DIDO1: variants seen among roughly 807,000 people sequenced by gnomAD.
DIDO1 encodes the protein death inducer-obliterator 1, also known as death-inducer obliterator 1.
In DIDO1, 16 loss-of-function variants were observed where a neutral mutation model predicts 99.4. That is an observed-to-expected ratio of 0.16 (90% CI 0.11 to 0.24). The LOEUF (loss-of-function observed/expected upper bound fraction) is 0.24. DIDO1 is among the 10% of genes least tolerant of loss of function. The pLI, the probability that DIDO1 is intolerant of heterozygous loss-of-function variation, is 1.00. For synonymous variants in DIDO1, 1,366 were observed against 1,239.1 expected (o/e 1.10, Z -2.15); for missense variants, 2,996 against 3,014.0 (o/e 0.99, Z 0.14).
intron 6 of DIDO1, among the ~76,000 whole-genome samples, chr20:62,901,842 T>C (rs2064690820): frequency 6.6e-6 from 1 of 151,204 alleles, no homozygotes; most frequent in African/African-American, 2.4e-5. Flanking sequence ...AAACCTAGTA[T>C]TATTTTACAA....
In DIDO1 at chr20:62,896,738, G is replaced by A. The variant is rs141286941; in HGVS notation, c.1847C>T (p.Pro616Leu). 1.3e-3 allele frequency: 2,157 copies of A among 1,613,558 alleles called. 14 individuals are homozygous for A. In the Middle Eastern group the frequency reaches 0.024, roughly 18 times the overall value. The change falls in exon 7 of 16, where the codon CCG becomes CTG. Residue 616 changes from proline (P) to leucine (L), a missense_variant. Physicochemically the swap from Pro to Leu is moderately conservative, Grantham distance 98. Transcript: ENST00000395343. This position sits in a 1 kb window ranked among gnomAD's most constrained non-coding sequence, Gnocchi z 4.4. The part of the protein sequence containing the change: ...SGASAARQAG[P>L]APAAATAASK... ...GGCAGCCGTTGCCGCTGCAGGTGCC[G>A]GTCCGGCCTGCCTGGCAGCTGAAGC...
Position 62,881,521 on chromosome 20 carries a change from G to A in DIDO1, c.4435C>T (p.Leu1479=), listed in dbSNP as rs913078839. The change falls in exon 16 of 16, where the codon CTA becomes TTA. Residue 1479 remains leucine (L), a synonymous_variant. Transcript: ENST00000395343. This position sits in a 1 kb window ranked among gnomAD's most constrained non-coding sequence, Gnocchi z 8.3. ...TPSLVEQQKM[L]EELNKQIEEQ... ...TCGATCTGTTTGTTCAGCTCTTCTA[G>A]CATCTTCTGTTGCTCCACCAGGGAG... 1 of 1,611,392 alleles carries A rather than the reference G, an allele frequency of 6.2e-7. No individual in the cohort carries two copies. Among genetic ancestry groups the A allele is most frequent in the Non-Finnish European group, 8.5e-7 (1 of 1,180,028 alleles).
At chr20:62,935,084 TCACCACCTTTCCCTCGTTGTTG>T (rs2065368351) in intron 1 of DIDO1, among the ~76,000 whole-genome samples, 1 of 152,196 alleles carries the variant, frequency 6.6e-6, no homozygotes, top group Non-Finnish European at 1.5e-5. Context: ...CACGGTGAAC[TCACCACCTTTCCCTCGTTGTTG>T]CACCTCCTTC....
At chr20:62,885,910 G>A (rs994379570) in intron 15 of DIDO1, among the ~76,000 whole-genome samples, 1 of 152,372 alleles carries the variant, frequency 6.6e-6, no homozygotes, top group East Asian at 1.9e-4. Context: ...AGACCAGTAA[G>A]GTCGAAAGGT....
rs1010075197 is a variant in DIDO1 at position 62,891,976 on chromosome 20, T to C, written c.3345+11A>G. On this transcript the variant is annotated intron_variant, in intron 14 of 15. Transcript: ENST00000395343. The stretch of plus-strand genomic sequence containing the variant: ...TTCCATGGTTGCAGAATTTATACTA[T>C]AAGCAGGTACCTTAGACACAGAAGA... 8 of 1,599,290 alleles carry C rather than the reference T, an allele frequency of 5.0e-6. No individual in the cohort carries two copies. The highest frequency in any genetic ancestry group is 3.6e-5 in the Admixed American group (2 of 55,480).
intron 15 of DIDO1, among the ~76,000 whole-genome samples, chr20:62,885,408 G>A (rs987015802): frequency 9.2e-5 from 14 of 152,186 alleles, no homozygotes; most frequent in Admixed American, 3.9e-4. Context: ...TCACTGTTAC[G>A]TGGTCCCGTC....
chr20:62,888,770 G>A lies in DIDO1; in HGVS notation c.3541+2190C>T, dbSNP rs933517176. The stretch of plus-strand genomic sequence containing the variant: ...AAGTCAAGTAATCAGTACGTGAAGC[G>A]GGCCGAGTACCCGATGGCCTGGCCC... On this transcript the variant is annotated intron_variant, in intron 15 of 15. Transcript: ENST00000395343. 38 of 985,326 alleles carry A rather than the reference G, an allele frequency of 3.9e-5. 1 individual carries two copies. Among genetic ancestry groups the A allele is most frequent in the Middle Eastern group, 5.2e-4 (1 of 1,936 alleles). The allele number at this position is 985,326 out of a possible 1,614,324, so 61.0% of individuals were successfully genotyped here. A position where few individuals can be genotyped will look rare whatever the true frequency, so the allele number is the denominator to read the frequency against.
At chr20:62,907,060 C>CA (rs2064822775) in intron 5 of DIDO1, 87 bp downstream of exon 5, 1 of 1,424,004 alleles carries the variant, frequency 7.0e-7, no homozygotes, top group Non-Finnish European at 9.8e-7. Flanking sequence ...CTGCCACCCC[C>CA]ACACGGTCTA....
rs1156450238 is a variant in DIDO1 at position 62,881,633 on chromosome 20, A to G, written c.4323T>C (p.Val1441=). The change falls in exon 16 of 16, where the codon GTT becomes GTC. Residue 1441 remains valine (V), a synonymous_variant. Coordinates refer to ENST00000395343, the MANE Select transcript of DIDO1 (RefSeq NM_001193369.2). This position sits in a 1 kb window ranked among gnomAD's most constrained non-coding sequence, Gnocchi z 8.3. The part of the protein sequence containing the change: ...ETILEEAKVT[V]DDLPNRMCAD... Reference sequence around the variant, plus strand: ...CACACATCCTGTTGGGCAGGTCATCAACAGTCACTTTCGCTTCTTCTAAGA... The same window carrying G: ...CACACATCCTGTTGGGCAGGTCATCGACAGTCACTTTCGCTTCTTCTAAGA... The G allele has an allele frequency of 1.9e-5, 31 of 1,612,522 alleles. No individual in the cohort carries two copies. The Admixed American group carries it at 5.0e-4, about 26-fold the overall frequency.
At chr20:62,902,756 C>A (rs534840966) in intron 6 of DIDO1, among the ~76,000 whole-genome samples, 1 of 152,330 alleles carries the variant, frequency 6.6e-6, no homozygotes, top group African/African-American at 2.4e-5. Flanking sequence ...CTTAACACAG[C>A]ATCTGGATTT....
intron 15 of DIDO1, chr20:62,887,258 A>C: frequency 1.0e-6 from 1 of 985,492 alleles, no homozygotes; most frequent in Non-Finnish European, 1.2e-6. Flanking sequence ...AAGGCAGTAC[A>C]TTCCATTCAA....
Position 62,879,372 on chromosome 20 carries a change from C to G in DIDO1, c.6584G>C (p.Arg2195Thr). 1 of 1,547,216 alleles carries G rather than the reference C, an allele frequency of 6.5e-7. No homozygotes were observed. The highest frequency in any genetic ancestry group is 1.7e-4 in the Middle Eastern group (1 of 5,946). Residue 2195 changes from arginine to threonine, a missense_variant, in exon 16 of 16, where the codon AGA (arginine) becomes ACA (threonine). Arg to Thr is a moderately conservative substitution (Grantham distance 71). Transcript: ENST00000395343. The surrounding 1 kb of genome is among the most constrained non-coding windows in gnomAD (Gnocchi z 6.3). ...CCTGGCCTTGTCTCGGTCCCGCTCT[C>G]TGCTCCGGGACCGGTCCCGGTCGCG... The part of the protein sequence containing the change: ...RRRDRDRSRS[R>T]ERDRDKARDR...
At chr20:62,937,673 C>G (rs2065406635) in intron 1 of DIDO1, 2 of 392,754 alleles carry the variant, frequency 5.1e-6, no homozygotes, top group Non-Finnish European at 8.9e-6. Context: ...GACACTAGCC[C>G]TGGAAGGCCG....
chr20:62,879,126 C>A lies in DIDO1; in HGVS notation c.*107G>T. 2.9e-6 allele frequency: 3 copies of A among 1,046,810 alleles called. No individual in the cohort carries two copies. Among genetic ancestry groups the A allele is most frequent in the South Asian group, 4.5e-5 (2 of 44,044 alleles). 64.8% of individuals were successfully genotyped at this position (1,046,810 alleles called of 1,614,324 possible). The stretch of plus-strand genomic sequence containing the variant: ...CACAAAATTACAGTAATGTTTAAGT[C>A]CAGAATATTCTATCCTGAATCTAAG... On this transcript the variant is annotated 3_prime_UTR_variant, in exon 16 of 16. Transcript: ENST00000395343. The surrounding 1 kb of genome is among the most constrained non-coding windows in gnomAD (Gnocchi z 6.3).
At position 62,896,033 on chromosome 20, in the gene DIDO1, G is replaced by C. The variant is rs561019656; in HGVS notation, c.2214+200C>G. 6.6e-6 allele frequency among the ~76,000 whole-genome samples: 1 copy of C among 152,168 alleles called. No individual in the cohort carries two copies. Among genetic ancestry groups the C allele is most frequent in the Non-Finnish European group, 1.5e-5 (1 of 68,032 alleles). Reference sequence around the variant, plus strand: ...AAGCCAGGAAGCGGACGCGACCCTAGTTAAGGCAGGGAAGGGAAGGGGTTT... The same window carrying C: ...AAGCCAGGAAGCGGACGCGACCCTACTTAAGGCAGGGAAGGGAAGGGGTTT... On this transcript the variant is annotated intron_variant, in intron 8 of 15. Coordinates refer to ENST00000395343, the MANE Select transcript of DIDO1 (RefSeq NM_001193369.2). This position sits in a 1 kb window ranked among gnomAD's most constrained non-coding sequence, Gnocchi z 4.4.
intron 1 of DIDO1, among the ~76,000 whole-genome samples, chr20:62,923,967 T>C (rs948658845): frequency 2.0e-5 from 3 of 152,192 alleles, no homozygotes; most frequent in African/African-American, 7.2e-5. Flanking sequence ...TATAACAACT[T>C]AACCTCAAAA....
intron 3 of DIDO1, among the ~76,000 whole-genome samples, chr20:62,910,501 C>T (rs2064907026): frequency 6.6e-6 from 1 of 152,218 alleles, no homozygotes; most frequent in East Asian, 1.9e-4. Flanking sequence ...CTACACAGAG[C>T]CACTGGCTGC....
chr20:62,880,573 G>T lies in DIDO1; in HGVS notation c.5383C>A (p.Pro1795Thr), dbSNP rs755839223. Residue 1795 changes from proline (P) to threonine (T), a missense_variant, in exon 16 of 16, where the codon CCT becomes ACT. Coordinates refer to ENST00000395343, the MANE Select transcript of DIDO1 (RefSeq NM_001193369.2). ...TGGGCTCCGAATCTGGCTGGCGGAG[G>T]CCCTCGTGGCCCATCGTTAGAAGCG... The part of the protein sequence containing the change: ...NIASNDGPRG[P>T]PPARFGAQKG... The T allele has an allele frequency of 1.9e-6, 3 of 1,612,834 alleles. No homozygotes were observed. The African/African-American group carries it at 4.0e-5, about 22-fold the overall frequency.
chr20:62,923,513 C>G (rs558271060), intron 1 of DIDO1, among the ~76,000 whole-genome samples: 122 of 152,218 alleles, frequency 8.0e-4, no homozygotes, highest in Non-Finnish European at 1.5e-3. Context: ...CATGCACAGC[C>G]GTGAGAAAAA....
Sources: allele counts gnomAD v4.1 joint callset (sites outside exome capture counted in the v4.1 genomes callset), GRCh38; gene constraint gnomAD v4.1.1; non-coding constraint Gnocchi (gnomAD v3.1); transcripts MANE v1.5; gene names NCBI Gene and HGNC (gene_info 2026-07-23, HGNC 2026-07-21).